MBD5: variants seen among roughly 807,000 people sequenced by gnomAD.
MBD5 encodes methyl-CpG binding domain protein 5, also known as methyl-CpG-binding domain protein 5.
A neutral mutation model predicts 117.3 loss-of-function variants in MBD5; 13 were observed. That is an observed-to-expected ratio of 0.11 (90% CI 0.07 to 0.18). MBD5 has a LOEUF of 0.18. MBD5 is among the 10% of genes least tolerant of loss of function. The pLI is 1.00. For synonymous variants in MBD5, 727 were observed against 766.4 expected (o/e 0.95, Z 0.85); for missense variants, 1,879 against 2,093.8 (o/e 0.90, Z 2.00).
At chr2:148,026,711 C>T (rs1693901794) in intron 1 of MBD5, 1 of 152,156 alleles carries the variant, frequency 6.6e-6, no homozygotes, top group South Asian at 2.1e-4. Context: ...TCACTTGAGG[C>T]TAGTAGTTCA....
intron 10 of MBD5, 51 bp from the exon 11 acceptor site, chr2:148,489,335 G>C (rs1421387420): frequency 2.5e-6 from 4 of 1,603,024 alleles, no homozygotes; most frequent in Non-Finnish European, 3.4e-6. Context: ...TCTCTTTGAG[G>C]CCTCAAAATT....
At chr2:148,373,995 T>A (rs1703924074) in intron 4 of MBD5, among the ~76,000 whole-genome samples, 1 of 152,094 alleles carries the variant, frequency 6.6e-6, no homozygotes, top group Non-Finnish European at 1.5e-5. Context: ...GAAATGCTCA[T>A]GGGAGCATTT....
chr2:148,035,764 A>C (rs1297249150), intron 1 of MBD5, among the ~76,000 whole-genome samples: 1 of 152,162 alleles, frequency 6.6e-6, no homozygotes, highest in African/African-American at 2.4e-5. Flanking sequence ...TTAACTAGCT[A>C]TGGGATATTC....
At chr2:148,505,611 T>C (rs115213295) in intron 12 of MBD5, among the ~76,000 whole-genome samples, 52 of 152,232 alleles carry the variant, frequency 3.4e-4, no homozygotes, top group Non-Finnish European at 6.2e-4. Context: ...GTGATGGGTA[T>C]ACACACAAAA....
At chr2:148,255,003 GAT>G in intron 3 of MBD5, among the ~76,000 whole-genome samples, 1 of 152,364 alleles carries the variant, frequency 6.6e-6, no homozygotes, top group South Asian at 2.1e-4. Flanking sequence ...GTTCTCTGCA[GAT>G]GCTGAATGCA....
intron 4 of MBD5, among the ~76,000 whole-genome samples, chr2:148,379,418 A>G (rs564865422): frequency 6.6e-6 from 1 of 152,220 alleles, no homozygotes; most frequent in East Asian, 1.9e-4. Flanking sequence ...CCAAAACTTT[A>G]CTTCAAGCCA....
Position 148,306,609 on chromosome 2 carries a change from T to C in MBD5, c.-679-35605T>C, listed in dbSNP as rs147250168. Among the ~76,000 whole-genome samples the C allele has an allele frequency of 2.2e-3, 342 of 152,296 alleles. 2 individuals carry two copies. The highest frequency in any genetic ancestry group is 7.9e-3 in the African/African-American group (330 of 41,580). ...TAAGATTGCTCTAAGTTATAGATAG[T>C]TTAAGAGAAAAAGGTTTCTTTAAAT... On this transcript the variant is annotated intron_variant, in intron 3 of 13. Coordinates refer to ENST00000642680, the MANE Select transcript of MBD5 (RefSeq NM_001378120.1).
chr2:148,204,269 A>G (rs531506535), intron 2 of MBD5, among the ~76,000 whole-genome samples: 14 of 148,648 alleles, frequency 9.4e-5, no homozygotes, highest in East Asian at 7.7e-4. Context: ...GACATCATGG[A>G]AAGCACCTTA....
rs556139049 is a variant in MBD5 at position 148,323,684 on chromosome 2, G to A, written c.-679-18530G>A. Among the ~76,000 whole-genome samples, 4 of 152,200 alleles carry A rather than the reference G, an allele frequency of 2.6e-5. No homozygotes were observed. The South Asian group carries it at 8.3e-4, about 32-fold the overall frequency. On this transcript the variant is annotated intron_variant, in intron 3 of 13. Transcript: ENST00000642680. ...TGTTCATGTCCTTTGCCCACTTTTT[G>A]ATGGGGTTGTTTGTTTTTTTCTTGT...
chr2:148,059,848 A>C lies in MBD5; in HGVS notation c.-925+38164A>C, dbSNP rs1308442089. The stretch of plus-strand genomic sequence containing the variant: ...GAGACAGAGCGAGACTCCGTCTCAA[A>C]AAAAAAAAAAAGACAAAGGAAATTC... On this transcript the variant is annotated intron_variant, in intron 1 of 13. Coordinates refer to ENST00000642680, the MANE Select transcript of MBD5 (RefSeq NM_001378120.1). 2.0e-4 allele frequency among the ~76,000 whole-genome samples: 26 copies of C among 127,232 alleles called. 1 individual carries two copies. The highest frequency in any genetic ancestry group is 1.0e-3 in the Admixed American group (13 of 12,826). 83.5% of individuals were successfully genotyped at this position (127,232 alleles called of 152,430 possible).
chr2:148,512,346 C>T (rs1309239833), intron 13 of MBD5: 2 of 176,332 alleles, frequency 1.1e-5, no homozygotes, highest in Non-Finnish European at 2.5e-5. Context: ...CATTTTGATT[C>T]TTCTTATGAA....
chr2:148,027,134 T>C (rs1693919166), intron 1 of MBD5: 2 of 152,190 alleles, frequency 1.3e-5, no homozygotes, highest in African/African-American at 4.8e-5. Flanking sequence ...GAAGTTTATA[T>C]TGTCTTGTGC....
intron 3 of MBD5, among the ~76,000 whole-genome samples, chr2:148,262,837 A>G (rs1700764650): frequency 6.6e-6 from 1 of 152,228 alleles, no homozygotes; most frequent in Admixed American, 6.5e-5. Context: ...TTTTAGATAG[A>G]TTGTTTTGAC....
chr2:148,471,141 T>C (rs1225969876), intron 8 of MBD5: 1 of 152,172 alleles, frequency 6.6e-6, no homozygotes, highest in Non-Finnish European at 1.5e-5. Flanking sequence ...AATCTTGAAA[T>C]TGTTTTTTGA....
chr2:148,265,481 T>C (rs948022811), intron 3 of MBD5, among the ~76,000 whole-genome samples: 4 of 152,172 alleles, frequency 2.6e-5, no homozygotes, highest in Non-Finnish European at 5.9e-5. Flanking sequence ...TGTTCAAAAA[T>C]CACAGATTAT....
intron 1 of MBD5, among the ~76,000 whole-genome samples, chr2:148,154,403 C>G (rs879176993): frequency 1.3e-5 from 2 of 151,756 alleles, no homozygotes; most frequent in East Asian, 2.0e-4. Context: ...GTGCCCTGCC[C>G]CCAGAGGTGG....
chr2:148,255,285 T>C (rs1459154541), intron 3 of MBD5, among the ~76,000 whole-genome samples: 4 of 152,160 alleles, frequency 2.6e-5, no homozygotes, highest in African/African-American at 9.7e-5. Flanking sequence ...CTCCCCGTGG[T>C]TCCTTTGGGT....
intron 1 of MBD5, among the ~76,000 whole-genome samples, chr2:148,154,558 A>G (rs1051590539): frequency 1.3e-5 from 2 of 152,152 alleles, no homozygotes; most frequent in Non-Finnish European, 2.9e-5. Context: ...ATTTGATCTC[A>G]GGCTGCTGTG....
At chr2:148,229,523 C>T (rs1281416713) in intron 2 of MBD5, among the ~76,000 whole-genome samples, 1 of 152,102 alleles carries the variant, frequency 6.6e-6, no homozygotes, top group Non-Finnish European at 1.5e-5. Flanking sequence ...TTGGTGAGGT[C>T]ATGTTTTCCA....
Sources: allele counts gnomAD v4.1 joint callset (sites outside exome capture counted in the v4.1 genomes callset), GRCh38; gene constraint gnomAD v4.1.1; transcripts MANE v1.5; gene names NCBI Gene and HGNC (gene_info 2026-07-23, HGNC 2026-07-21).